LTBP1: variants seen among roughly 807,000 people sequenced by gnomAD.
LTBP1 encodes the protein latent-transforming growth factor beta-binding protein 1.
Under a neutral mutation model 207.6 loss-of-function variants are expected in LTBP1, and 129 were observed. The ratio of observed to expected loss-of-function variants is 0.62; its 90% CI spans 0.54 to 0.72. LTBP1 has a LOEUF of 0.72. LTBP1 is among the 30% of genes least tolerant of loss of function. The pLI is 0.00. For synonymous variants in LTBP1, 963 were observed against 833.7 expected, an observed-to-expected ratio of 1.16 and a Z score of -2.67; for missense variants, 2,281 against 2,217.2, an observed-to-expected ratio of 1.03 and a Z score of -0.58.
In LTBP1 at chr2:33,389,315, A is replaced by C. The variant is rs754563392; in HGVS notation, c.4834+9A>C. The C allele has an allele frequency of 6.2e-6, 10 of 1,613,870 alleles. No homozygotes were observed. Among genetic ancestry groups the C allele is most frequent in the Non-Finnish European group, 8.5e-6 (10 of 1,179,952 alleles). ...CTACTTCATCCAAGACCGTAAGCAA[A>C]ATAACCTTGTTCCTTTGATACTAAG... On this transcript the variant is annotated intron_variant, in intron 32 of 33. Coordinates refer to ENST00000404816, the MANE Select transcript of LTBP1 (RefSeq NM_206943.4).
intron 2 of LTBP1, among the ~76,000 whole-genome samples, chr2:32,977,236 T>G (rs1247215803): frequency 6.6e-6 from 1 of 152,024 alleles, no homozygotes; most frequent in Non-Finnish European, 1.5e-5. Flanking sequence ...TAAGTCTGCC[T>G]GCTGAGTTCA....
intron 24 of LTBP1, among the ~76,000 whole-genome samples, chr2:33,330,764 T>TC (rs201810070): frequency 0.01 from 1,513 of 148,382 alleles, 20 homozygotes; most frequent in African/African-American, 0.036. Flanking sequence ...GACAATATCT[T>TC]TTTTTTTTTG....
chr2:33,176,190 A>G (rs993164516), intron 5 of LTBP1, among the ~76,000 whole-genome samples: 2 of 151,000 alleles, frequency 1.3e-5, no homozygotes, highest in African/African-American at 4.9e-5. Context: ...ATAAATAAAA[A>G]GAAATAAAAT....
At chr2:32,965,631 C>T (rs1679876749) in intron 2 of LTBP1, among the ~76,000 whole-genome samples, 1 of 152,310 alleles carries the variant, frequency 6.6e-6, no homozygotes, top group Non-Finnish European at 1.5e-5. Context: ...CTTAAAGTTC[C>T]TCCATGTCTT....
intron 3 of LTBP1, among the ~76,000 whole-genome samples, chr2:33,078,780 A>AT (rs1243228844): frequency 6.6e-6 from 1 of 150,740 alleles, no homozygotes; most frequent in Non-Finnish European, 1.5e-5. Context: ...CAATAAGGTG[A>AT]TTACCTTTGC....
chr2:33,001,617 C>G lies in LTBP1; in HGVS notation c.566-19292C>G, dbSNP rs189709144. 1.3e-3 allele frequency among the ~76,000 whole-genome samples: 170 copies of G among 134,714 alleles called. 24 individuals carry two copies. Among genetic ancestry groups the G allele is most frequent in the African/African-American group, 4.1e-3 (159 of 38,632 alleles). The allele number at this position is 134,714 out of a possible 152,430, so 88.4% of individuals were successfully genotyped here. Reference sequence around the variant, plus strand: ...TGTCAGTTGGGATTATGGCTCAGTCCTGCTCTGCACTAATTAGGTTTTGCT... The same window carrying G: ...TGTCAGTTGGGATTATGGCTCAGTCGTGCTCTGCACTAATTAGGTTTTGCT... On this transcript the variant is annotated intron_variant, in intron 2 of 33. Coordinates refer to ENST00000404816, the MANE Select transcript of LTBP1 (RefSeq NM_206943.4).
chr2:33,325,114 A>G (rs1365716689), intron 24 of LTBP1, among the ~76,000 whole-genome samples: 3 of 152,174 alleles, frequency 2.0e-5, no homozygotes, highest in Non-Finnish European at 4.4e-5. Context: ...TGAGAGTTTC[A>G]TATGACTCTT....
chr2:33,313,067 GAACA>G (rs909480145), intron 23 of LTBP1, among the ~76,000 whole-genome samples: 2 of 152,134 alleles, frequency 1.3e-5, no homozygotes, highest in Non-Finnish European at 2.9e-5. Context: ...AATAGGTAGA[GAACA>G]AACATAGACA....
chr2:32,984,434 G>A (rs1683227863), intron 2 of LTBP1, among the ~76,000 whole-genome samples: 1 of 152,154 alleles, frequency 6.6e-6, no homozygotes, highest in South Asian at 2.1e-4. Context: ...TTCAAAAATA[G>A]GAGAGCAATC....
chr2:33,260,305 C>T (rs1446043925), intron 13 of LTBP1, among the ~76,000 whole-genome samples: 1 of 152,098 alleles, frequency 6.6e-6, no homozygotes, highest in Non-Finnish European at 1.5e-5. Context: ...TGTCAGAGAA[C>T]TACTATGATA....
intron 32 of LTBP1, 113 bp downstream of exon 32, chr2:33,389,419 A>G: frequency 7.0e-7 from 1 of 1,424,594 alleles, no homozygotes; most frequent in South Asian, 1.3e-5. Flanking sequence ...GTCCCACCCC[A>G]GACCTGCTGG....
intron 7 of LTBP1, among the ~76,000 whole-genome samples, chr2:33,203,581 C>T (rs1411898922): frequency 2.6e-5 from 4 of 152,184 alleles, no homozygotes; most frequent in Admixed American, 2.6e-4. Context: ...TTAAGAGAAG[C>T]AAGTATGTGT....
chr2:33,142,062 C>CTT (rs199630182), intron 5 of LTBP1, among the ~76,000 whole-genome samples: 4,887 of 151,972 alleles, frequency 0.032, 127 homozygotes, highest in Middle Eastern at 0.14. Flanking sequence ...CTTCAGCATT[C>CTT]TTTTTTTTAG....
At chr2:33,202,602 A>G (rs527693875) in intron 7 of LTBP1, among the ~76,000 whole-genome samples, 1 of 152,364 alleles carries the variant, frequency 6.6e-6, no homozygotes, top group Non-Finnish European at 1.5e-5. Context: ...CACACTGGTT[A>G]TTCCCTAAAC....
At chr2:33,051,632 G>T (rs540109389) in intron 3 of LTBP1, among the ~76,000 whole-genome samples, 20 of 152,250 alleles carry the variant, frequency 1.3e-4, no homozygotes, top group African/African-American at 4.8e-4. Context: ...TGTTTCTGAT[G>T]GCTCAGTTGC....
intron 3 of LTBP1, among the ~76,000 whole-genome samples, chr2:33,028,086 G>T (rs887949845): frequency 1.3e-5 from 2 of 152,088 alleles, no homozygotes. Flanking sequence ...TTCCTCCTGA[G>T]ACTGAGTTCG....
At chr2:33,188,415 G>A (rs1265885173) in intron 6 of LTBP1, among the ~76,000 whole-genome samples, 162 bp from the exon 7 acceptor site, 6 of 78,942 alleles carry the variant, frequency 7.6e-5, no homozygotes, top group Non-Finnish European at 1.4e-4. Flanking sequence ...TGACCAGAGC[G>A]AAACTCCATC....
chr2:32,986,363 C>T (rs975541051), intron 2 of LTBP1, among the ~76,000 whole-genome samples: 1 of 152,106 alleles, frequency 6.6e-6, no homozygotes, highest in Non-Finnish European at 1.5e-5. Context: ...CAGTGGTGTG[C>T]AGGCAGATCC....
rs1207465788 is a variant in LTBP1, at chr2:33,171,606, T to C, written c.1202-15250T>C. 1.4e-3 allele frequency among the ~76,000 whole-genome samples: 208 copies of C among 151,532 alleles called. 1 individual carries two copies. Among genetic ancestry groups the C allele is most frequent in the African/African-American group, 4.8e-3 (200 of 41,370 alleles). On this transcript the variant is annotated intron_variant, in intron 5 of 33. Transcript: ENST00000404816. ...CTGCAGGATATTATCCAGGAGAACTTCCCCAATCTAGCAAGGCAGGCCAAC... is the reference window on the plus strand; with the variant it reads ...CTGCAGGATATTATCCAGGAGAACTCCCCCAATCTAGCAAGGCAGGCCAAC...
Sources: allele counts gnomAD v4.1 joint callset (sites outside exome capture counted in the v4.1 genomes callset), GRCh38; gene constraint gnomAD v4.1.1; transcripts MANE v1.5; gene names NCBI Gene and HGNC (gene_info 2026-07-23, HGNC 2026-07-21).